POLR1C: variants seen among roughly 807,000 people sequenced by gnomAD.
POLR1C encodes the protein DNA-directed RNA polymerases I and III subunit RPAC1.
A neutral mutation model predicts 38.3 loss-of-function variants in POLR1C; 42 were observed. The ratio of observed to expected loss-of-function variants is 1.10; its 90% CI spans 0.86 to 1.42. The LOEUF (loss-of-function observed/expected upper bound fraction) is 1.42, where lower values mean the gene tolerates loss of function less well. Ranked by LOEUF, POLR1C falls within the 40% of genes most tolerant of loss-of-function variation. The pLI, the probability that POLR1C is intolerant of heterozygous loss-of-function variation, is 0.00. For missense variants in POLR1C, 507 were observed against 450.5 expected (o/e 1.13, Z -1.14); for synonymous variants, 163 against 163.9 (o/e 0.99, Z 0.04).
chr6:43,544,430 A>G (rs1177889187), intron 9 of POLR1C, among the ~76,000 whole-genome samples: 5 of 152,196 alleles, frequency 3.3e-5, no homozygotes, highest in Admixed American at 1.3e-4. Context: ...TTAAAAAAAG[A>G]AAATTATATA....
intron 3 of POLR1C, 87 bp downstream of exon 3, chr6:43,519,527 C>T: frequency 7.4e-7 from 1 of 1,355,272 alleles, no homozygotes; most frequent in Non-Finnish European, 1.1e-6. Flanking sequence ...TCAAGCTGTC[C>T]TTCCCTCCTT....
At chr6:43,543,645 T>G (rs993352649) in intron 9 of POLR1C, among the ~76,000 whole-genome samples, 9 of 152,100 alleles carry the variant, frequency 5.9e-5, no homozygotes, top group African/African-American at 2.2e-4. Flanking sequence ...TCTACATAAA[T>G]GTTACACTTC....
chr6:43,533,896 A>G (rs545457259), downstream of POLR1C: 2 of 1,583,278 alleles, frequency 1.3e-6, no homozygotes, highest in African/African-American at 2.7e-5. Context: ...AAAAAAGGTT[A>G]CATTTCTTAC....
chr6:43,549,713 CATTT>C, intron 9 of POLR1C: 1 of 1,220,960 alleles, frequency 8.2e-7, no homozygotes, highest in East Asian at 2.5e-5. Flanking sequence ...AATGGAGTAA[CATTT>C]ATAGCCACCA....
intron 9 of POLR1C, chr6:43,546,818 A>G: frequency 2.1e-6 from 3 of 1,431,122 alleles, no homozygotes; most frequent in Non-Finnish European, 2.8e-6. Flanking sequence ...AAATACTGTT[A>G]GATATATTCA....
chr6:43,551,589 A>C (rs1795231553), intron 10 of POLR1C: 8 of 1,040,628 alleles, frequency 7.7e-6, no homozygotes, highest in Non-Finnish European at 1.1e-5. Flanking sequence ...CAGTGGCACA[A>C]TCATCACTCA....
chr6:43,520,218 C>T (rs777630577), intron 5 of POLR1C, 33 bp downstream of exon 5: 1 of 1,614,068 alleles, frequency 6.2e-7, no homozygotes, highest in South Asian at 1.1e-5. Flanking sequence ...AGAGGCCCCA[C>T]CTGTGGGTAG....
intron 10 of POLR1C, chr6:43,551,430 T>C (rs930968131): frequency 1.9e-6 from 3 of 1,613,584 alleles, no homozygotes; most frequent in Admixed American, 1.7e-5. Flanking sequence ...GCAATAGCTC[T>C]ATTCCATCAT....
chr6:43,524,933 C>T (rs532701280), downstream of POLR1C: 45 of 1,613,924 alleles, frequency 2.8e-5, no homozygotes, highest in East Asian at 2.0e-4. Flanking sequence ...TGAAAAGCCA[C>T]GTAACTGCAT....
chr6:43,519,012 A>T (rs1792997540), intron 2 of POLR1C, among the ~76,000 whole-genome samples: 1 of 152,128 alleles, frequency 6.6e-6, no homozygotes, highest in African/African-American at 2.4e-5. Flanking sequence ...GCCAAGCATA[A>T]CAGAAGTCTA....
At chr6:43,534,615 C>A (rs1018441890) in intron 9 of POLR1C, among the ~76,000 whole-genome samples, 1 of 152,216 alleles carries the variant, frequency 6.6e-6, no homozygotes, top group African/African-American at 2.4e-5. Flanking sequence ...CCCCACTGAA[C>A]AAACTGATGG....
In POLR1C at chr6:43,539,195, T is replaced by C. The variant is rs112297279; in HGVS notation, c.*4+9836T>C. The C allele has an allele frequency of 8.2e-3, 9,355 of 1,134,700 alleles. 454 individuals carry two copies. In the African/African-American group the frequency reaches 0.11, roughly 14 times the overall value. 70.3% of individuals were successfully genotyped at this position (1,134,700 alleles called of 1,614,324 possible). A position where few individuals can be genotyped will look rare whatever the true frequency, so the allele number is the denominator to read the frequency against. On this transcript the variant is annotated intron_variant, in intron 9 of 10. Transcript: ENST00000607635. ...GTGGGGCTTGCCGATCTTGTTCCCC[T>C]AGTAGCCTCTGTGCACGGGGACAAT...
chr6:43,532,732 C>T (rs997082414), downstream of POLR1C, among the ~76,000 whole-genome samples: 3 of 152,174 alleles, frequency 2.0e-5, no homozygotes, highest in Admixed American at 6.5e-5. Flanking sequence ...TTAGGTCTCC[C>T]GATAAACACT....
chr6:43,561,292 A>G, intron 10 of POLR1C: 1 of 351,760 alleles, frequency 2.8e-6, no homozygotes, highest in Non-Finnish European at 5.2e-6. Flanking sequence ...AATTACAGAA[A>G]GAAAAAAAAT....
downstream of POLR1C, among the ~76,000 whole-genome samples, chr6:43,533,112 G>A (rs1429645699): frequency 6.6e-6 from 1 of 152,098 alleles, no homozygotes; most frequent in Non-Finnish European, 1.5e-5. Flanking sequence ...ACCAGCCTGG[G>A]TGACAGAGTG....
intron 8 of POLR1C, among the ~76,000 whole-genome samples, chr6:43,528,439 TAAC>T (rs947680573): frequency 2.3e-4 from 35 of 152,144 alleles, no homozygotes; most frequent in Non-Finnish European, 4.3e-4. Context: ...TGGAAAGAAT[TAAC>T]AACATTTTTA....
At chr6:43,526,660 T>TC (rs763774549) in intron 8 of POLR1C, 23 of 1,613,378 alleles carry the variant, frequency 1.4e-5, no homozygotes, top group Non-Finnish European at 1.9e-5. Flanking sequence ...AGAGCAGAAC[T>TC]CCAAGGTCTC....
chr6:43,553,636 G>A lies in POLR1C; in HGVS notation c.*48+2625G>A. 4 of 1,422,444 alleles carry A rather than the reference G, an allele frequency of 2.8e-6. No individual in the cohort carries two copies. In the South Asian group the frequency reaches 4.6e-5, roughly 17 times the overall value. 88.1% of individuals were successfully genotyped at this position (1,422,444 alleles called of 1,614,324 possible). A position where few individuals can be genotyped will look rare whatever the true frequency, so the allele number is the denominator to read the frequency against. On this transcript the variant is annotated intron_variant, in intron 10 of 10. Coordinates refer to the POLR1C transcript ENST00000607635. ...GAGAATTTCATGATTGAAGGAGCAG[G>A]GTAATCTAACCCCTCTCAGCTGGGG... is the stretch of plus-strand genomic sequence containing the variant.
intron 10 of POLR1C, among the ~76,000 whole-genome samples, chr6:43,551,908 C>A (rs1200480351): frequency 6.6e-6 from 1 of 152,016 alleles, no homozygotes; most frequent in East Asian, 1.9e-4. Flanking sequence ...TTCAAGCATT[C>A]CTCCCATCTT....
Sources: gnomAD v4.1 joint callset for allele counts (sites outside exome capture counted in the v4.1 genomes callset) on GRCh38, gnomAD v4.1.1 for gene constraint, MANE v1.5 for transcripts, NCBI Gene and HGNC (gene_info 2026-07-23, HGNC 2026-07-21) for gene names.